Variants in TGFB2 observed in about 807,000 individuals in gnomAD.
TGFB2 encodes transforming growth factor beta-2 proprotein.
Under a neutral mutation model 42.7 loss-of-function variants are expected in TGFB2, and 13 were observed. That is an observed-to-expected ratio of 0.30 (90% CI 0.20 to 0.48). TGFB2 has a LOEUF of 0.48. Among genes scored for constraint, TGFB2 ranks in the 20% least tolerant of loss-of-function variants. TGFB2 has a pLI of 0.99. For synonymous variants in TGFB2, 193 were observed against 193.6 expected (o/e 1.00, Z 0.03); for missense variants, 390 against 517.5 (o/e 0.75, Z 2.39).
intron 1 of TGFB2, among the ~76,000 whole-genome samples, chr1:218,356,632 A>T (rs1406689765): frequency 6.6e-6 from 1 of 152,154 alleles, no homozygotes; most frequent in Non-Finnish European, 1.5e-5. Flanking sequence ...AACAGAGGGG[A>T]TGTTGCCTAT....
chr1:218,402,569 A>C (rs928807920), intron 1 of TGFB2, among the ~76,000 whole-genome samples: 2 of 152,214 alleles, frequency 1.3e-5, no homozygotes, highest in Non-Finnish European at 2.9e-5. Flanking sequence ...AAGTTTAATA[A>C]ACACAAAAGA....
intron 1 of TGFB2, among the ~76,000 whole-genome samples, chr1:218,377,632 A>G (rs768787401): frequency 7.9e-5 from 12 of 151,802 alleles, no homozygotes; most frequent in African/African-American, 1.2e-4. Flanking sequence ...AAAATCAGAA[A>G]TCCTACTCTT....
intron 1 of TGFB2, among the ~76,000 whole-genome samples, chr1:218,404,569 A>G (rs1169067800): frequency 6.6e-6 from 1 of 152,218 alleles, no homozygotes; most frequent in Non-Finnish European, 1.5e-5. Flanking sequence ...TTAAAACTGG[A>G]TCTGGTATAA....
At chr1:218,387,620 G>GA (rs149591755) in intron 1 of TGFB2, among the ~76,000 whole-genome samples, 2,959 of 151,870 alleles carry the variant, frequency 0.019, 100 homozygotes, top group African/African-American at 0.066. Flanking sequence ...TACCCTATAT[G>GA]AGATCTACAG....
chr1:218,434,654 A>G (rs902475008), intron 4 of TGFB2, among the ~76,000 whole-genome samples: 1 of 152,192 alleles, frequency 6.6e-6, no homozygotes, highest in Admixed American at 6.5e-5. Context: ...ATAATTCTCA[A>G]TGCCCAGTGA....
intron 1 of TGFB2, among the ~76,000 whole-genome samples, chr1:218,378,751 G>A (rs1181806422): frequency 1.4e-5 from 2 of 144,240 alleles, no homozygotes; most frequent in Non-Finnish European, 3.0e-5. Context: ...GGATCACAGG[G>A]GTGCTACACC....
chr1:218,406,604 G>T (rs185492523), intron 2 of TGFB2, among the ~76,000 whole-genome samples: 1 of 152,278 alleles, frequency 6.6e-6, no homozygotes, highest in East Asian at 1.9e-4. Flanking sequence ...TGCATATAGG[G>T]TATAGGCGGG....
intron 2 of TGFB2, among the ~76,000 whole-genome samples, chr1:218,406,204 C>CAG (rs1469233839): frequency 4.0e-5 from 6 of 151,876 alleles, no homozygotes; most frequent in African/African-American, 1.5e-4. Context: ...CACACACACA[C>CAG]ACACACACAC....
At chr1:218,389,496 C>T (rs916735284) in intron 1 of TGFB2, among the ~76,000 whole-genome samples, 3 of 152,192 alleles carry the variant, frequency 2.0e-5, no homozygotes, top group East Asian at 3.9e-4. Flanking sequence ...TAATCCAGTG[C>T]TACAGTCAGA....
At chr1:218,436,518 T>G (rs1029688726) in intron 5 of TGFB2, among the ~76,000 whole-genome samples, 3 of 152,206 alleles carry the variant, frequency 2.0e-5, no homozygotes, top group Non-Finnish European at 4.4e-5. Flanking sequence ...GCCTTCATCC[T>G]CACCAAGTCC....
At chr1:218,356,662 G>A (rs148315077) in intron 1 of TGFB2, among the ~76,000 whole-genome samples, 43 of 152,300 alleles carry the variant, frequency 2.8e-4, no homozygotes, top group African/African-American at 7.7e-4. Context: ...ACATGCAGGC[G>A]GGGCTTCTAT....
chr1:218,382,499 G>A (rs1024539576), intron 1 of TGFB2, among the ~76,000 whole-genome samples: 1 of 152,186 alleles, frequency 6.6e-6, no homozygotes, highest in Non-Finnish European at 1.5e-5. Context: ...CCAGGCGCTC[G>A]CTGATGTGAG....
intron 2 of TGFB2, among the ~76,000 whole-genome samples, chr1:218,423,399 C>T (rs763689533): frequency 1.7e-4 from 26 of 152,220 alleles, no homozygotes; most frequent in African/African-American, 6.3e-4. Context: ...CAGCAAATCC[C>T]GTAGCATTGC....
intron 2 of TGFB2, among the ~76,000 whole-genome samples, chr1:218,422,217 GTTTTC>G (rs1471980565): frequency 6.7e-6 from 1 of 150,024 alleles, no homozygotes; most frequent in Non-Finnish European, 1.5e-5. Flanking sequence ...TTGTTTTTTT[GTTTTC>G]TTTTTTTTTG....
intron 2 of TGFB2, among the ~76,000 whole-genome samples, chr1:218,411,640 C>T (rs534129727): frequency 1.3e-5 from 2 of 152,258 alleles, no homozygotes; most frequent in East Asian, 3.9e-4. Context: ...GAGGCTGAGG[C>T]AGGTGGATCT....
chr1:218,418,784 T>A (rs1388134390), intron 2 of TGFB2, among the ~76,000 whole-genome samples: 1 of 152,148 alleles, frequency 6.6e-6, no homozygotes, highest in Non-Finnish European at 1.5e-5. Context: ...TCTCATGATA[T>A]GATGGTTTTA....
chr1:218,362,332 T>C (rs1007131676), intron 1 of TGFB2, among the ~76,000 whole-genome samples: 3 of 152,190 alleles, frequency 2.0e-5, no homozygotes, highest in Non-Finnish European at 2.9e-5. Context: ...AGAATGATAT[T>C]CATGCCAGGC....
At chr1:218,354,570 T>C (rs1182849210) in intron 1 of TGFB2, among the ~76,000 whole-genome samples, 1 of 152,224 alleles carries the variant, frequency 6.6e-6, no homozygotes. Flanking sequence ...ACTCATACTG[T>C]CCCTTTGACA....
chr1:218,380,842 A>G (rs1458041664), intron 1 of TGFB2, among the ~76,000 whole-genome samples: 1 of 152,176 alleles, frequency 6.6e-6, no homozygotes, highest in East Asian at 1.9e-4. Flanking sequence ...GGAATCTAGG[A>G]AAAAATAACA....
Sources: allele counts gnomAD v4.1 joint callset (sites outside exome capture counted in the v4.1 genomes callset), GRCh38; gene constraint gnomAD v4.1.1; transcripts MANE v1.5; gene names NCBI Gene and HGNC (gene_info 2026-07-23, HGNC 2026-07-21).